GABRB2: variants seen among roughly 807,000 people sequenced by gnomAD.
The protein encoded by GABRB2 is gamma-aminobutyric acid type A receptor subunit beta2.
A neutral mutation model predicts 54.7 loss-of-function variants in GABRB2; 16 were observed. The ratio of observed to expected loss-of-function variants is 0.29; its 90% CI spans 0.20 to 0.44. The LOEUF (loss-of-function observed/expected upper bound fraction) is 0.44. Ranked by LOEUF, GABRB2 falls within the 20% of genes least tolerant of loss-of-function variation. The pLI, the probability that GABRB2 is intolerant of heterozygous loss-of-function variation, is 1.00. For missense variants in GABRB2, 355 were observed against 644.0 expected (o/e 0.55, Z 4.86); for synonymous variants, 244 against 233.8 (o/e 1.04, Z -0.40).
intron 3 of GABRB2, among the ~76,000 whole-genome samples, chr5:161,498,458 G>C (rs1372073813): frequency 6.6e-6 from 1 of 152,044 alleles, no homozygotes; most frequent in Non-Finnish European, 1.5e-5. Context: ...TTGAACAGCT[G>C]TCCATGAAGT....
At chr5:161,501,426 T>C (rs1759438566) in intron 3 of GABRB2, among the ~76,000 whole-genome samples, 1 of 152,212 alleles carries the variant, frequency 6.6e-6, no homozygotes. Context: ...CAGTATTCTT[T>C]TGAGTGCTTT....
chr5:161,523,692 AC>A (rs1760186629), intron 3 of GABRB2, among the ~76,000 whole-genome samples: 1 of 151,548 alleles, frequency 6.6e-6, no homozygotes, highest in African/African-American at 2.4e-5. Flanking sequence ...TGTCTGCATA[AC>A]GATGTCAAGT....
intron 3 of GABRB2, among the ~76,000 whole-genome samples, chr5:161,495,197 T>C (rs1328554465): frequency 2.0e-5 from 3 of 151,982 alleles, no homozygotes; most frequent in Non-Finnish European, 2.9e-5. Flanking sequence ...TGTCAGATCA[T>C]CTGAACACTG....
rs911212673 is a variant in GABRB2, at chr5:161,293,173, G to A, written c.*908C>T. ...CGATTAAACTATAAAAACCTCTTTA[G>A]GTATGCTGTCAAAAGCTAGTGATGT... On this transcript the variant is annotated 3_prime_UTR_variant, in exon 10 of 10. Coordinates refer to ENST00000393959, the MANE Select transcript of GABRB2 (RefSeq NM_001371727.1). 1 of 152,060 alleles carries A rather than the reference G, an allele frequency of 6.6e-6. No homozygotes were observed. The highest frequency in any genetic ancestry group is 1.9e-4 in the East Asian group (1 of 5,180). The allele number at this position is 152,060 out of a possible 1,614,324, so 9.4% of individuals were successfully genotyped here.
At chr5:161,442,934 C>G (rs1160062785) in intron 4 of GABRB2, among the ~76,000 whole-genome samples, 2 of 152,130 alleles carry the variant, frequency 1.3e-5, no homozygotes, top group Non-Finnish European at 2.9e-5. Context: ...AAAATGAAAG[C>G]CACATTTTGA....
At chr5:161,434,727 T>C (rs1295375279) in intron 4 of GABRB2, among the ~76,000 whole-genome samples, 4 of 152,186 alleles carry the variant, frequency 2.6e-5, no homozygotes, top group African/African-American at 9.7e-5. Flanking sequence ...GAAATGTATT[T>C]ATTTATTTTT....
chr5:161,542,030 G>T (rs1037063501), intron 3 of GABRB2, among the ~76,000 whole-genome samples: 1 of 152,108 alleles, frequency 6.6e-6, no homozygotes, highest in African/African-American at 2.4e-5. Flanking sequence ...CCATATTGTT[G>T]TGTCTCAGGG....
chr5:161,313,978 A>G (rs1453108976), intron 9 of GABRB2, among the ~76,000 whole-genome samples: 1 of 152,172 alleles, frequency 6.6e-6, no homozygotes, highest in Non-Finnish European at 1.5e-5. Flanking sequence ...TGCCTCCCAA[A>G]CTTTGTGAGA....
At chr5:161,315,286 T>C (rs747711507) in intron 9 of GABRB2, among the ~76,000 whole-genome samples, 1 of 152,194 alleles carries the variant, frequency 6.6e-6, no homozygotes, top group Non-Finnish European at 1.5e-5. Flanking sequence ...AAATTAGTCA[T>C]AGTTAAGTCT....
intron 5 of GABRB2, among the ~76,000 whole-genome samples, chr5:161,344,702 C>A (rs1754267234): frequency 1.3e-5 from 2 of 152,060 alleles, no homozygotes; most frequent in Admixed American, 6.6e-5. Context: ...TGAATATATA[C>A]CCAAAAATTA....
At chr5:161,400,259 T>C (rs966404090) in intron 5 of GABRB2, among the ~76,000 whole-genome samples, 1 of 152,178 alleles carries the variant, frequency 6.6e-6, no homozygotes, top group South Asian at 2.1e-4. Flanking sequence ...TTTCACAAAG[T>C]GCTCTCCAGC....
intron 4 of GABRB2, among the ~76,000 whole-genome samples, chr5:161,438,997 A>G (rs1322335211): frequency 1.3e-5 from 2 of 152,212 alleles, no homozygotes; most frequent in Non-Finnish European, 2.9e-5. Context: ...CAAAGTGATA[A>G]TAATAGAGAA....
intron 4 of GABRB2, among the ~76,000 whole-genome samples, chr5:161,433,701 GATTA>G (rs1757235363): frequency 6.6e-6 from 1 of 152,010 alleles, no homozygotes; most frequent in Non-Finnish European, 1.5e-5. Context: ...ATCAATTCTT[GATTA>G]CTTACCAAAT....
chr5:161,495,505 A>G (rs1051268111), intron 3 of GABRB2, among the ~76,000 whole-genome samples: 1 of 152,064 alleles, frequency 6.6e-6, no homozygotes, highest in East Asian at 1.9e-4. Flanking sequence ...TCTAATAAAG[A>G]AATTTGAAAA....
At chr5:161,337,589 T>G (rs1044660051) in intron 5 of GABRB2, among the ~76,000 whole-genome samples, 11 of 152,116 alleles carry the variant, frequency 7.2e-5, no homozygotes, top group Admixed American at 7.2e-4. Flanking sequence ...AACAAAGACA[T>G]ATTCTCTGTT....
chr5:161,428,267 A>G (rs1757067775), intron 4 of GABRB2, among the ~76,000 whole-genome samples: 1 of 150,348 alleles, frequency 6.7e-6, no homozygotes. Flanking sequence ...AAATTAACAT[A>G]TCTATCATCT....
At chr5:161,523,649 T>C (rs1288617914) in intron 3 of GABRB2, among the ~76,000 whole-genome samples, 1 of 151,634 alleles carries the variant, frequency 6.6e-6, no homozygotes, top group African/African-American at 2.4e-5. Flanking sequence ...ACCCTAGCCA[T>C]AATTTCAGTG....
intron 3 of GABRB2, among the ~76,000 whole-genome samples, chr5:161,485,548 A>G (rs1380071503): frequency 6.6e-6 from 1 of 151,926 alleles, no homozygotes; most frequent in East Asian, 1.9e-4. Flanking sequence ...CCAGTTATAC[A>G]ATGTCAATTC....
chr5:161,535,763 T>C (rs1238649213), intron 3 of GABRB2, among the ~76,000 whole-genome samples: 1 of 152,196 alleles, frequency 6.6e-6, no homozygotes, highest in African/African-American at 2.4e-5. Flanking sequence ...TTTGGATGTT[T>C]GTCCTCCCCA....
Sources: allele counts gnomAD v4.1 joint callset (sites outside exome capture counted in the v4.1 genomes callset), GRCh38; gene constraint gnomAD v4.1.1; transcripts MANE v1.5; gene names NCBI Gene and HGNC (gene_info 2026-07-23, HGNC 2026-07-21).